The following PHETA1 variants were observed in gnomAD, a reference collection of about 807,000 sequenced individuals.
PHETA1 encodes the protein PH domain containing endocytic trafficking adaptor 1, also known as sesquipedalian-1.
For missense variants in PHETA1, 348 were observed against 373.5 expected, an observed-to-expected ratio of 0.93 and a Z score of 0.56; for synonymous variants, 155 against 168.9, an observed-to-expected ratio of 0.92 and a Z score of 0.64.
At position 111,362,386 on chromosome 12, in the gene PHETA1, G is replaced by A; in HGVS notation, c.*292C>T. 1 of 723,082 alleles carries A rather than the reference G, an allele frequency of 1.4e-6. No individual in the cohort carries two copies. 44.8% of individuals were successfully genotyped at this position (723,082 alleles called of 1,614,324 possible). On this transcript the variant is annotated 3_prime_UTR_variant, in exon 3 of 3. Coordinates refer to ENST00000683047, the MANE Select transcript of PHETA1 (RefSeq NM_144671.6). ...GGCCTCTGCCCGGCAGCTCAGGCCA[G>A]CCTGGGGCCGGAGTTCTCAGGAAAC...
In PHETA1 at chr12:111,363,555, G is replaced by A. The variant is rs975518209; in HGVS notation, c.-36-92C>T. On this transcript the variant is annotated intron_variant, in intron 2 of 2. Transcript: ENST00000683047. The surrounding 1 kb of genome is among the most constrained non-coding windows in gnomAD (Gnocchi z 7.4). ...GACCTTGCAGCCACTCTACATCCCCGTTTCACAGATGAGGAAACTGACGCT... is the reference window on the plus strand; with the variant it reads ...GACCTTGCAGCCACTCTACATCCCCATTTCACAGATGAGGAAACTGACGCT... 44 of 1,530,354 alleles carry A rather than the reference G, an allele frequency of 2.9e-5. No homozygotes were observed. Among genetic ancestry groups the A allele is most frequent in the South Asian group, 8.4e-5 (7 of 83,186 alleles). 94.8% of individuals were successfully genotyped at this position (1,530,354 alleles called of 1,614,324 possible).
chr12:111,361,795 G>C lies in PHETA1; in HGVS notation c.*883C>G, dbSNP rs1314485704. The C allele has an allele frequency of 2.1e-5, 9 of 423,830 alleles. No individual in the cohort carries two copies. Among genetic ancestry groups the C allele is most frequent in the Non-Finnish European group, 3.8e-5 (8 of 209,570 alleles). 26.3% of individuals were successfully genotyped at this position (423,830 alleles called of 1,614,324 possible). A position where few individuals can be genotyped will look rare whatever the true frequency, so the allele number is the denominator to read the frequency against. Reference sequence around the variant, plus strand: ...AGCTGGTGGCCTCCCCTCCCTGGGGGAACCTGCTAGAAGGTCACCTCGGGC... The same window carrying C: ...AGCTGGTGGCCTCCCCTCCCTGGGGCAACCTGCTAGAAGGTCACCTCGGGC... On this transcript the variant is annotated 3_prime_UTR_variant, in exon 3 of 3. Coordinates refer to ENST00000683047, the MANE Select transcript of PHETA1 (RefSeq NM_144671.6).
rs150948259 is a variant in PHETA1, at chr12:111,363,353, G to A, written c.75C>T (p.Tyr25=). The change falls in exon 3 of 3, where the codon TAC becomes TAT. Residue 25 remains tyrosine, a synonymous_variant. Transcript: ENST00000683047. The surrounding 1 kb of genome is among the most constrained non-coding windows in gnomAD (Gnocchi z 7.4). ...AGGCCGCGTGCCGCCCACCCTTCTTGTACAGGAAGCCTGCATTGTCCACCG... is the reference window on the plus strand; with the variant it reads ...AGGCCGCGTGCCGCCCACCCTTCTTATACAGGAAGCCTGCATTGTCCACCG... The part of the protein sequence containing the change: ...DAPVDNAGFL[Y]KKGGRHAAYH... 579 of 1,613,168 alleles carry A rather than the reference G, an allele frequency of 3.6e-4. 2 individuals are homozygous for A. Among genetic ancestry groups the A allele is most frequent in the Non-Finnish European group, 4.7e-4 (549 of 1,179,978 alleles).
rs1037620845 is a variant in PHETA1 at position 111,361,911 on chromosome 12, G to A, written c.*767C>T. 11 of 456,012 alleles carry A rather than the reference G, an allele frequency of 2.4e-5. 1 individual carries two copies. Among genetic ancestry groups the A allele is most frequent in the Admixed American group, 2.3e-4 (10 of 42,560 alleles). 28.2% of individuals were successfully genotyped at this position (456,012 alleles called of 1,614,324 possible). ...AGACTGAAGGATGCAGTCAAGGAGTGTCTGGAGAGCCCTGTGAGAGCCACC... is the reference window on the plus strand; with the variant it reads ...AGACTGAAGGATGCAGTCAAGGAGTATCTGGAGAGCCCTGTGAGAGCCACC... On this transcript the variant is annotated 3_prime_UTR_variant, in exon 3 of 3. Coordinates refer to ENST00000683047, the MANE Select transcript of PHETA1 (RefSeq NM_144671.6).
Position 111,362,094 on chromosome 12 carries a change from A to T in PHETA1, c.*584T>A. 2.3e-6 allele frequency: 1 copy of T among 436,544 alleles called. No individual in the cohort carries two copies. 27.0% of individuals were successfully genotyped at this position (436,544 alleles called of 1,614,324 possible). On this transcript the variant is annotated 3_prime_UTR_variant, in exon 3 of 3. Transcript: ENST00000683047. ...CTCACCCTTCCGGTCCTGCACTAAC[A>T]CCTGCACCTGTGTCCCCAGTCACTA...
intron 2 of PHETA1, among the ~76,000 whole-genome samples, chr12:111,364,799 G>T (rs1284083642): frequency 2.0e-5 from 3 of 151,840 alleles, no homozygotes; most frequent in African/African-American, 7.3e-5. Context: ...ATGGTGGGGG[G>T]TGCCTATAAT....
In PHETA1 at chr12:111,363,654, A is replaced by T. The variant is rs765732389; in HGVS notation, c.-36-191T>A. 28 of 1,534,180 alleles carry T rather than the reference A, an allele frequency of 1.8e-5. 1 individual carries two copies. Among genetic ancestry groups the T allele is most frequent in the Middle Eastern group, 1.7e-4 (1 of 6,006 alleles). On this transcript the variant is annotated intron_variant, in intron 2 of 2. Transcript: ENST00000683047. This position sits in a 1 kb window ranked among gnomAD's most constrained non-coding sequence, Gnocchi z 7.4. ...GAGACAGGACTGGAACCTGGGTCTC[A>T]CGGGCCTCCCCAGACAGCCTCATAA...
At position 111,367,812 on chromosome 12, in the gene PHETA1, A is replaced by G. The variant is rs1869122372; in HGVS notation, c.-182+1100T>C. 6.6e-6 allele frequency among the ~76,000 whole-genome samples: 1 copy of G among 152,134 alleles called. No individual in the cohort carries two copies. The highest frequency in any genetic ancestry group is 1.5e-5 in the Non-Finnish European group (1 of 68,014). On this transcript the variant is annotated intron_variant, in intron 1 of 2. Coordinates refer to ENST00000683047, the MANE Select transcript of PHETA1 (RefSeq NM_144671.6). The surrounding 1 kb of genome is among the most constrained non-coding windows in gnomAD (Gnocchi z 4.0). The stretch of plus-strand genomic sequence containing the variant: ...CCTGGCCCCTGCCTTATCTCCCCAC[A>G]CTGTTTTCCAAGAAGTTCAGAGTCC...
chr12:111,362,836 T>C lies in PHETA1; in HGVS notation c.592A>G (p.Arg198Gly). 3 of 1,538,666 alleles carry C rather than the reference T, an allele frequency of 1.9e-6. No homozygotes were observed. Among genetic ancestry groups the C allele is most frequent in the South Asian group, 1.2e-5 (1 of 83,902 alleles). Residue 198 changes from arginine (R) to glycine (G), a missense_variant, in exon 3 of 3, where the codon AGG becomes GGG. Coordinates refer to ENST00000683047, the MANE Select transcript of PHETA1 (RefSeq NM_144671.6). ...CAVWSTEATF[R>G]PGPEPPPPPP... ...GGTGGAGGGGGCTCGGGTCCAGGCC[T>C]GAAGGTGGCCTCAGTGCTCCAGACA...
In PHETA1 at chr12:111,367,269, T is replaced by A. The variant is rs752574705; in HGVS notation, c.-181-1012A>T. 6.6e-6 allele frequency among the ~76,000 whole-genome samples: 1 copy of A among 152,176 alleles called. No individual in the cohort carries two copies. Among genetic ancestry groups the A allele is most frequent in the East Asian group, 1.9e-4 (1 of 5,194 alleles). On this transcript the variant is annotated intron_variant, in intron 1 of 2. Transcript: ENST00000683047. The surrounding 1 kb of genome is among the most constrained non-coding windows in gnomAD (Gnocchi z 4.0). The stretch of plus-strand genomic sequence containing the variant: ...AGAGAGGTGGTCCCTGGCCACCCTA[T>A]GCACAAGAGGCCCCCCAGTCCCTCT...
In PHETA1 at chr12:111,362,117, C is replaced by T; in HGVS notation, c.*561G>A. ...ACACCTGCACCTGTGTCCCCAGTCACTACCCTCCCAGCCACCGTCCTGCTC... is the reference window on the plus strand; with the variant it reads ...ACACCTGCACCTGTGTCCCCAGTCATTACCCTCCCAGCCACCGTCCTGCTC... On this transcript the variant is annotated 3_prime_UTR_variant, in exon 3 of 3. Coordinates refer to ENST00000683047, the MANE Select transcript of PHETA1 (RefSeq NM_144671.6). 2.4e-6 allele frequency: 1 copy of T among 413,942 alleles called. No individual in the cohort carries two copies. Among genetic ancestry groups the T allele is most frequent in the South Asian group, 1.7e-5 (1 of 57,272 alleles). The allele number at this position is 413,942 out of a possible 1,614,324, so 25.6% of individuals were successfully genotyped here. A position where few individuals can be genotyped will look rare whatever the true frequency, so the allele number is the denominator to read the frequency against.
rs1332065023 is a variant in PHETA1 at position 111,362,522 on chromosome 12, C to G, written c.*156G>C. ...GCCCACTCAGAATCCAGCACCTTCT[C>G]AGAGCCTGCATCCCCCAAAACCAGG... is the stretch of plus-strand genomic sequence containing the variant. On this transcript the variant is annotated 3_prime_UTR_variant, in exon 3 of 3. Transcript: ENST00000683047. The G allele has an allele frequency of 2.0e-6, 3 of 1,506,964 alleles. No individual in the cohort carries two copies. Among genetic ancestry groups the G allele is most frequent in the South Asian group, 2.5e-5 (2 of 79,856 alleles). 93.3% of individuals were successfully genotyped at this position (1,506,964 alleles called of 1,614,324 possible). A position where few individuals can be genotyped will look rare whatever the true frequency, so the allele number is the denominator to read the frequency against.
chr12:111,361,520 T>A lies in PHETA1; in HGVS notation c.*1158A>T. ...ATGACCCAGGGTGAGGGCCAGGAGG[T>A]GTCCCAGCCCCGAGGTTCTCCCTGG... On this transcript the variant is annotated 3_prime_UTR_variant, in exon 3 of 3. Coordinates refer to ENST00000683047, the MANE Select transcript of PHETA1 (RefSeq NM_144671.6). 1 of 220,030 alleles carries A rather than the reference T, an allele frequency of 4.5e-6. No homozygotes were observed. Among genetic ancestry groups the A allele is most frequent in the Non-Finnish European group, 9.3e-6 (1 of 107,890 alleles). The allele number at this position is 220,030 out of a possible 1,614,324, so 13.6% of individuals were successfully genotyped here.
At position 111,363,035 on chromosome 12, in the gene PHETA1, ACG is replaced by A. The variant is rs1290831347; in HGVS notation, c.391_392del (p.Arg131TrpfsTer63). 2 of 1,536,520 alleles carry A rather than the reference ACG, an allele frequency of 1.3e-6. No homozygotes were observed. Among genetic ancestry groups the A allele is most frequent in the East Asian group, 2.4e-5 (1 of 42,410 alleles). On this transcript the variant is annotated frameshift_variant, in exon 3 of 3. Transcript: ENST00000683047. LOFTEE classifies it low-confidence loss of function (END_TRUNC). This position sits in a 1 kb window ranked among gnomAD's most constrained non-coding sequence, Gnocchi z 7.4. ...RELEQQLAAVRGGGGMALPQP... is the reference protein window; with the variant it reads ...RELEQQLAAVXGGGGMALPQP... ...GGGGCAGGGCCATGCCACCCCCGCC[ACG>A]TACAGCCGCCAGCTGCTGCTCCAGC...
Position 111,368,878 on chromosome 12 carries a change from C to T in PHETA1, c.-182+34G>A, listed in dbSNP as rs898664095. The T allele has an allele frequency of 2.6e-5, 4 of 152,320 alleles. No individual in the cohort carries two copies. The highest frequency in any genetic ancestry group is 9.6e-5 in the African/African-American group (4 of 41,472). The allele number at this position is 152,320 out of a possible 1,614,324, so 9.4% of individuals were successfully genotyped here. ...GGGCGGCCCGACCCGGGTCCCATGT[C>T]CTCGTGCATGTCCCCCCGCCAGGCC... On this transcript the variant is annotated intron_variant, in intron 1 of 2. Coordinates refer to ENST00000683047, the MANE Select transcript of PHETA1 (RefSeq NM_144671.6). This position sits in a 1 kb window ranked among gnomAD's most constrained non-coding sequence, Gnocchi z 5.0.
At position 111,363,385 on chromosome 12, in the gene PHETA1, C is replaced by T; in HGVS notation, c.43G>A (p.Asp15Asn). The change falls in exon 3 of 3, where the codon GAC becomes AAC. Residue 15 changes from aspartate (D) to asparagine (N), a missense_variant. Transcript: ENST00000683047. This position sits in a 1 kb window ranked among gnomAD's most constrained non-coding sequence, Gnocchi z 7.4. ...ERSLAFYATC[D>N]APVDNAGFLY... Reference sequence around the variant, plus strand: ...AAGCCTGCATTGTCCACCGGGGCGTCACAGGTGGCGTAGAAGGCCAGGCTG... The same window carrying T: ...AAGCCTGCATTGTCCACCGGGGCGTTACAGGTGGCGTAGAAGGCCAGGCTG... 1 of 1,612,886 alleles carries T rather than the reference C, an allele frequency of 6.2e-7. No individual in the cohort carries two copies.
Position 111,363,779 on chromosome 12 carries a change from G to A in PHETA1, c.-36-316C>T. The stretch of plus-strand genomic sequence containing the variant: ...TCACTTTATCTCACAATAGACCTTA[G>A]GTCACAGGGACTGGCCTGGCACCAG... On this transcript the variant is annotated intron_variant, in intron 2 of 2. Coordinates refer to ENST00000683047, the MANE Select transcript of PHETA1 (RefSeq NM_144671.6). The surrounding 1 kb of genome is among the most constrained non-coding windows in gnomAD (Gnocchi z 7.4). 4 of 1,383,694 alleles carry A rather than the reference G, an allele frequency of 2.9e-6. No individual in the cohort carries two copies. The highest frequency in any genetic ancestry group is 3.8e-6 in the Non-Finnish European group (4 of 1,048,564). 85.7% of individuals were successfully genotyped at this position (1,383,694 alleles called of 1,614,324 possible). A position where few individuals can be genotyped will look rare whatever the true frequency, so the allele number is the denominator to read the frequency against.
In PHETA1 at chr12:111,362,006, G is replaced by A. The variant is rs1360914607; in HGVS notation, c.*672C>T. The A allele has an allele frequency of 4.4e-6, 2 of 455,984 alleles. No individual in the cohort carries two copies. The highest frequency in any genetic ancestry group is 1.4e-4 in the East Asian group (2 of 14,388). The allele number at this position is 455,984 out of a possible 1,614,324, so 28.2% of individuals were successfully genotyped here. On this transcript the variant is annotated 3_prime_UTR_variant, in exon 3 of 3. Coordinates refer to ENST00000683047, the MANE Select transcript of PHETA1 (RefSeq NM_144671.6). ...AGGAGCACCACCATGAGGCCTGGCA[G>A]GGGACTTTTGGCAGAGTCCTGCCTC...
In PHETA1 at chr12:111,361,787, C is replaced by T; in HGVS notation, c.*891G>A. On this transcript the variant is annotated 3_prime_UTR_variant, in exon 3 of 3. Coordinates refer to ENST00000683047, the MANE Select transcript of PHETA1 (RefSeq NM_144671.6). ...GGTGAGTCAGCTGGTGGCCTCCCCT[C>T]CCTGGGGGAACCTGCTAGAAGGTCA... 1 of 417,708 alleles carries T rather than the reference C, an allele frequency of 2.4e-6. No individual in the cohort carries two copies. The highest frequency in any genetic ancestry group is 3.6e-4 in the Middle Eastern group (1 of 2,782). The allele number at this position is 417,708 out of a possible 1,614,324, so 25.9% of individuals were successfully genotyped here.
Sources: allele counts gnomAD v4.1 joint callset (sites outside exome capture counted in the v4.1 genomes callset), GRCh38; gene constraint gnomAD v4.1.1; non-coding constraint Gnocchi (gnomAD v3.1); transcripts MANE v1.5; gene names NCBI Gene and HGNC (gene_info 2026-07-23, HGNC 2026-07-21).